Variants in EFTUD2 observed in about 807,000 individuals in gnomAD.
The protein encoded by EFTUD2 is elongation factor Tu GTP binding domain containing 2.
In EFTUD2, 9 loss-of-function variants were observed where a neutral mutation model predicts 114.3. That is an observed-to-expected ratio of 0.08 (90% confidence interval 0.05 to 0.14). The LOEUF (loss-of-function observed/expected upper bound fraction) is 0.14, where lower values mean the gene tolerates loss of function less well. Among genes scored for constraint, EFTUD2 ranks in the 10% least tolerant of loss-of-function variants. The pLI is 1.00. For synonymous variants in EFTUD2, 449 were observed against 462.3 expected (o/e 0.97, Z 0.37); for missense variants, 765 against 1,241.2 (o/e 0.62, Z 5.76).
At chr17:44,868,196 A>G in intron 12 of EFTUD2, 91 bp downstream of exon 12, 1 of 1,181,042 alleles carries the variant, frequency 8.5e-7, no homozygotes, top group Non-Finnish European at 1.2e-6. Context: ...AAAAGTAGGT[A>G]TTTAATCTTT....
intron 13 of EFTUD2, 142 bp from the exon 14 acceptor site, chr17:44,865,207 A>G: frequency 7.8e-7 from 1 of 1,284,054 alleles, no homozygotes; most frequent in Non-Finnish European, 1.0e-6. Flanking sequence ...TGGCAAGGAC[A>G]AAAGTTTGGT....
chr17:44,860,124 G>A (rs2050629856), intron 17 of EFTUD2, 79 bp from the exon 18 acceptor site: 2 of 1,598,832 alleles, frequency 1.3e-6, no homozygotes, highest in Non-Finnish European at 8.6e-7. Context: ...GAAGAGAAGA[G>A]GACTTGCTTA....
chr17:44,886,489 G>T, intron 3 of EFTUD2, 96 bp downstream of exon 3: 1 of 1,535,846 alleles, frequency 6.5e-7, no homozygotes, highest in Non-Finnish European at 8.8e-7. Flanking sequence ...AAGAAAAACT[G>T]ATCAATTCAT....
chr17:44,852,284 C>A, intron 26 of EFTUD2, 125 bp downstream of exon 26: 1 of 1,226,196 alleles, frequency 8.2e-7, no homozygotes. Flanking sequence ...ATATGCTCCC[C>A]AGAGGAGGAC....
rs1211864747 is a variant in EFTUD2 at position 44,876,106 on chromosome 17, A to G, written c.703-6T>C. On this transcript the variant is annotated splice_polypyrimidine_tract_variant and splice_region_variant and intron_variant, in intron 9 of 27. Transcript: ENST00000426333. ...CGCTCTGTGTTCAGCATCACCTGAGAAAAACAAGGCTCAGAAGGTGGTAAG... is the reference window on the plus strand; with the variant it reads ...CGCTCTGTGTTCAGCATCACCTGAGGAAAACAAGGCTCAGAAGGTGGTAAG... 2.5e-6 allele frequency: 4 copies of G among 1,608,530 alleles called. No homozygotes were observed. In the African/African-American group the frequency reaches 5.3e-5, roughly 21 times the overall value.
chr17:44,871,705 C>T (rs781207119), intron 11 of EFTUD2, among the ~76,000 whole-genome samples: 28 of 152,048 alleles, frequency 1.8e-4, no homozygotes, highest in Non-Finnish European at 2.9e-4. Flanking sequence ...GCTAAGAGTG[C>T]GGCAGGACAA....
chr17:44,850,239 A>T lies in EFTUD2; in HGVS notation c.*1035T>A. 1 of 908,710 alleles carries T rather than the reference A, an allele frequency of 1.1e-6. No homozygotes were observed. Among genetic ancestry groups the T allele is most frequent in the African/African-American group, 1.6e-5 (1 of 61,898 alleles). 56.3% of individuals were successfully genotyped at this position (908,710 alleles called of 1,614,324 possible). A position where few individuals can be genotyped will look rare whatever the true frequency, so the allele number is the denominator to read the frequency against. On this transcript the variant is annotated 3_prime_UTR_variant, in exon 28 of 28. Coordinates refer to ENST00000426333, the MANE Select transcript of EFTUD2 (RefSeq NM_004247.4). ...GAGCGGGAAGCTGGACTCTCAAGGG[A>T]GCAGCTAGAGGTGAACCCCTAGGAC...
chr17:44,852,578 A>C lies in EFTUD2; in HGVS notation c.2562-16T>G. 3.7e-6 allele frequency: 6 copies of C among 1,613,334 alleles called. No homozygotes were observed. Among genetic ancestry groups the C allele is most frequent in the Non-Finnish European group, 5.1e-6 (6 of 1,179,528 alleles). On this transcript the variant is annotated splice_polypyrimidine_tract_variant and intron_variant, in intron 25 of 27. Coordinates refer to ENST00000426333, the MANE Select transcript of EFTUD2 (RefSeq NM_004247.4). ...CACGTGCCCCCTGAGACAGAAAAAC[A>C]AAGGCTGAGCCTCTAGTCAAACATA...
At chr17:44,885,724 C>T (rs963970205) in intron 3 of EFTUD2, among the ~76,000 whole-genome samples, 11 of 152,156 alleles carry the variant, frequency 7.2e-5, no homozygotes, top group East Asian at 2.0e-4. Flanking sequence ...GTACAAATGG[C>T]GTGATCAAGT....
At chr17:44,853,913 T>C (rs749631694) in intron 23 of EFTUD2, 2 of 1,366,470 alleles carry the variant, frequency 1.5e-6, no homozygotes, top group East Asian at 5.5e-5. Flanking sequence ...TACATTTTTG[T>C]GGATGTAGAA....
intron 19 of EFTUD2, chr17:44,857,590 GCCCAGGAAA>G (rs1006641915): frequency 3.4e-5 from 7 of 204,366 alleles, no homozygotes; most frequent in African/African-American, 1.6e-4. Flanking sequence ...ATGGTCTGCT[GCCCAGGAAA>G]CCCAGTGTTT....
chr17:44,898,800 T>C (rs749899838), intron 1 of EFTUD2, among the ~76,000 whole-genome samples: 1 of 151,846 alleles, frequency 6.6e-6, no homozygotes, highest in Non-Finnish European at 1.5e-5. Context: ...AGTTGTTTAC[T>C]GTTCATTTCC....
Position 44,851,022 on chromosome 17 carries a change from C to T in EFTUD2, c.*252G>A, listed in dbSNP as rs1064235. On this transcript the variant is annotated 3_prime_UTR_variant, in exon 28 of 28. Transcript: ENST00000426333. ...GCCCCTTGGGGTTTCATCCCCTTCT[C>T]TTTCTGTGAGCCCAAGCTCCTCTCT... 2.1e-6 allele frequency: 1 copy of T among 477,046 alleles called. No homozygotes were observed. The highest frequency in any genetic ancestry group is 3.8e-6 in the Non-Finnish European group (1 of 263,690). 29.6% of individuals were successfully genotyped at this position (477,046 alleles called of 1,614,324 possible).
chr17:44,854,646 A>T lies in EFTUD2; in HGVS notation c.2169T>A (p.Asp723Glu). 1 of 1,614,044 alleles carries T rather than the reference A, an allele frequency of 6.2e-7. No individual in the cohort carries two copies. The highest frequency in any genetic ancestry group is 8.5e-7 in the Non-Finnish European group (1 of 1,179,982). The change falls in exon 22 of 28, where the codon GAT becomes GAA. Residue 723 changes from aspartate (D) to glutamate (E), a missense_variant. Around this residue, in one of 6 missense-constraint regions of EFTUD2, gnomAD observed 166 missense variants for 401.5 expected, o/e 0.41. Transcript: ENST00000426333. The surrounding 1 kb of genome is among the most constrained non-coding windows in gnomAD (Gnocchi z 4.3). ...KLGEFFQTKY[D>E]WDLLAARSIW... ...TGGAACGGGCAGCCAGCAGATCCCAATCGTACTTGGTCTGGAAGAACTCTC... is the reference window on the plus strand; with the variant it reads ...TGGAACGGGCAGCCAGCAGATCCCATTCGTACTTGGTCTGGAAGAACTCTC...
chr17:44,879,276 G>A (rs1415044920), intron 9 of EFTUD2, among the ~76,000 whole-genome samples: 1 of 152,090 alleles, frequency 6.6e-6, no homozygotes, highest in African/African-American at 2.4e-5. Context: ...GGTAGAGACG[G>A]GGTTTCGCCA....
chr17:44,868,733 C>T (rs999664577), intron 11 of EFTUD2, among the ~76,000 whole-genome samples: 3 of 152,178 alleles, frequency 2.0e-5, no homozygotes, highest in African/African-American at 7.2e-5. Context: ...TTCTTTCACC[C>T]TTTCCTGATG....
At chr17:44,861,726 T>C (rs1157591553) in intron 16 of EFTUD2, among the ~76,000 whole-genome samples, 1 of 151,238 alleles carries the variant, frequency 6.6e-6, no homozygotes, top group East Asian at 1.9e-4. Context: ...AGAGTGAGAC[T>C]CCATCTCAAA....
chr17:44,898,870 C>T (rs765893136), intron 1 of EFTUD2: 3 of 152,166 alleles, frequency 2.0e-5, no homozygotes, highest in African/African-American at 4.8e-5. Flanking sequence ...ATAGACTAAG[C>T]CCTCAATAAG....
chr17:44,863,916 A>G (rs764405548), intron 14 of EFTUD2, 134 bp from the exon 15 acceptor site: 21 of 1,159,788 alleles, frequency 1.8e-5, no homozygotes, highest in Non-Finnish European at 2.5e-5. Flanking sequence ...CTCTGGCACT[A>G]TAGATAGTGA....
Sources: allele counts gnomAD v4.1 joint callset (sites outside exome capture counted in the v4.1 genomes callset), GRCh38; gene constraint gnomAD v4.1.1; regional missense constraint gnomAD v4.1.1; non-coding constraint Gnocchi (gnomAD v3.1); transcripts MANE v1.5; gene names NCBI Gene and HGNC (gene_info 2026-07-23, HGNC 2026-07-21).